ZBTB8A: variants seen among roughly 807,000 people sequenced by gnomAD.
ZBTB8A encodes the protein zinc finger and BTB domain containing 8A, also known as zinc finger and BTB domain-containing protein 8A.
Under a neutral mutation model 37.8 loss-of-function variants are expected in ZBTB8A, and 19 were observed. The ratio of observed to expected loss-of-function variants is 0.50; its 90% CI spans 0.35 to 0.74. The LOEUF is 0.74. ZBTB8A is among the 30% of genes least tolerant of loss of function. The pLI, the probability that ZBTB8A is intolerant of heterozygous loss-of-function variation, is 0.01. For synonymous variants in ZBTB8A, 181 were observed against 185.2 expected (o/e 0.98, Z 0.19); for missense variants, 394 against 537.8 (o/e 0.73, Z 2.65).
intron 2 of ZBTB8A, among the ~76,000 whole-genome samples, chr1:32,568,654 G>A (rs1644303032): frequency 6.6e-6 from 1 of 152,152 alleles, no homozygotes; most frequent in Non-Finnish European, 1.5e-5. Flanking sequence ...CCAAAGTGCT[G>A]GGATTACAGG....
intron 1 of ZBTB8A, among the ~76,000 whole-genome samples, chr1:32,545,347 C>T (rs1644094541): frequency 6.6e-6 from 1 of 152,104 alleles, no homozygotes; most frequent in Non-Finnish European, 1.5e-5. Flanking sequence ...TGATGCTAAA[C>T]ATCTCTTCAT....
intron 2 of ZBTB8A, among the ~76,000 whole-genome samples, chr1:32,556,887 CAAAAA>C (rs1557704045): frequency 6.6e-6 from 1 of 151,330 alleles, no homozygotes; most frequent in African/African-American, 2.4e-5. Context: ...ACAAAAAAAA[CAAAAA>C]AGAAAAAGCA....
chr1:32,541,355 C>A, intron 1 of ZBTB8A, among the ~76,000 whole-genome samples: 1 of 152,160 alleles, frequency 6.6e-6, no homozygotes, highest in East Asian at 1.9e-4. Flanking sequence ...TCCTTGCCTG[C>A]TCACCTCAGG....
intron 2 of ZBTB8A, among the ~76,000 whole-genome samples, chr1:32,581,931 C>T (rs191505684): frequency 9.9e-5 from 15 of 152,024 alleles, no homozygotes; most frequent in Non-Finnish European, 1.9e-4. Flanking sequence ...ATAGCATGGG[C>T]GGAGCTGCTC....
intron 1 of ZBTB8A, among the ~76,000 whole-genome samples, chr1:32,539,885 G>T (rs1179930873): frequency 2.0e-5 from 3 of 149,722 alleles, no homozygotes; most frequent in Non-Finnish European, 4.5e-5. Flanking sequence ...GGCGCCGGGC[G>T]TGTCTGGAGC....
chr1:32,579,850 A>G (rs1644390375), intron 2 of ZBTB8A, among the ~76,000 whole-genome samples: 2 of 152,172 alleles, frequency 1.3e-5, no homozygotes, highest in African/African-American at 4.8e-5. Context: ...TTACTCCAAC[A>G]TGTGAAAAGA....
chr1:32,592,948 A>G lies in ZBTB8A; in HGVS notation c.17A>G (p.His6Arg). 1 of 1,609,848 alleles carries G rather than the reference A, an allele frequency of 6.2e-7. No homozygotes were observed. Among genetic ancestry groups the G allele is most frequent in the African/African-American group, 1.3e-5 (1 of 74,892 alleles). MEISS[H>R]QSHLLQQLNE... ...CTCTTCAGAATGGAGATCTCCTCTCATCAGTCTCACCTCCTGCAGCAACTG... is the reference window on the plus strand; with the variant it reads ...CTCTTCAGAATGGAGATCTCCTCTCGTCAGTCTCACCTCCTGCAGCAACTG... Residue 6 changes from histidine to arginine, a missense_variant, in exon 3 of 5, where the codon CAT becomes CGT. Transcript: ENST00000373510.
intron 2 of ZBTB8A, among the ~76,000 whole-genome samples, chr1:32,589,158 A>T (rs1644469883): frequency 6.6e-6 from 1 of 152,084 alleles, no homozygotes; most frequent in African/African-American, 2.4e-5. Context: ...CCAAAAGTAG[A>T]TGTGAAATCA....
chr1:32,544,628 C>G (rs1326183562), intron 1 of ZBTB8A, among the ~76,000 whole-genome samples: 1 of 152,158 alleles, frequency 6.6e-6, no homozygotes, highest in Non-Finnish European at 1.5e-5. Context: ...ACCCAGGAGG[C>G]GAAGGTTGCA....
chr1:32,598,487 T>C (rs1459306549), intron 4 of ZBTB8A, among the ~76,000 whole-genome samples: 2 of 152,018 alleles, frequency 1.3e-5, no homozygotes, highest in East Asian at 3.9e-4. Flanking sequence ...TCCACTCACC[T>C]CAGCCTTCCA....
rs553169569 is a variant in ZBTB8A at position 32,551,942 on chromosome 1, T to G, written c.-83-1517T>G. ...TGTTGAATTTTTAAAGCTATTCTGT[T>G]CAGTTTTCTTCTAAAACACATTGAT... On this transcript the variant is annotated intron_variant, in intron 1 of 4. Coordinates refer to ENST00000373510, the MANE Select transcript of ZBTB8A (RefSeq NM_001040441.3). Among the ~76,000 whole-genome samples, 3 of 152,284 alleles carry G rather than the reference T, an allele frequency of 2.0e-5. No individual in the cohort carries two copies. In the East Asian group the frequency reaches 5.8e-4, roughly 29 times the overall value.
At chr1:32,551,848 C>T (rs1644159200) in intron 1 of ZBTB8A, among the ~76,000 whole-genome samples, 1 of 152,196 alleles carries the variant, frequency 6.6e-6, no homozygotes, top group Non-Finnish European at 1.5e-5. Context: ...GCTGGGATTA[C>T]AGGCATGAGC....
rs75911313 is a variant in ZBTB8A, at chr1:32,563,114, C to T, written c.-2+9574C>T. Among the ~76,000 whole-genome samples the T allele has an allele frequency of 5.1e-3, 773 of 152,240 alleles. 11 individuals are homozygous for T. The highest frequency in any genetic ancestry group is 0.044 in the East Asian group (226 of 5,190). On this transcript the variant is annotated intron_variant, in intron 2 of 4. Coordinates refer to ENST00000373510, the MANE Select transcript of ZBTB8A (RefSeq NM_001040441.3). Reference sequence around the variant, plus strand: ...TTGTTTTAACTCTTATTTTCTGTTTCTTATAAGATTAGTTATCTTTTTCAG... The same window carrying T: ...TTGTTTTAACTCTTATTTTCTGTTTTTTATAAGATTAGTTATCTTTTTCAG...
In ZBTB8A at chr1:32,543,951, C is replaced by T. The variant is rs576974726; in HGVS notation, c.-84+4379C>T. Among the ~76,000 whole-genome samples the T allele has an allele frequency of 3.9e-5, 6 of 152,324 alleles. No individual in the cohort carries two copies. The South Asian group carries it at 1.2e-3, about 32-fold the overall frequency. The stretch of plus-strand genomic sequence containing the variant: ...TCGGCCTCCCAAGGTGCTGGGATTA[C>T]AGGCATGAGCCACCACACCCAGACT... On this transcript the variant is annotated intron_variant, in intron 1 of 4. Transcript: ENST00000373510.
chr1:32,575,457 C>G (rs1644352972), intron 2 of ZBTB8A, among the ~76,000 whole-genome samples: 1 of 151,708 alleles, frequency 6.6e-6, no homozygotes, highest in Non-Finnish European at 1.5e-5. Flanking sequence ...AAACTCCTGA[C>G]TTCATGATCT....
chr1:32,567,817 A>G (rs1420155860), intron 2 of ZBTB8A, among the ~76,000 whole-genome samples: 1 of 37,568 alleles, frequency 2.7e-5, no homozygotes. Flanking sequence ...AAAAAAAAAA[A>G]AAAAAACAAA....
chr1:32,546,595 C>T (rs1644106171), intron 1 of ZBTB8A, among the ~76,000 whole-genome samples: 2 of 152,194 alleles, frequency 1.3e-5, no homozygotes, highest in South Asian at 4.1e-4. Context: ...GAGCCAAGAT[C>T]GTACCACTGC....
intron 2 of ZBTB8A, among the ~76,000 whole-genome samples, chr1:32,573,714 A>C: frequency 6.8e-6 from 1 of 147,874 alleles, no homozygotes; most frequent in African/African-American, 2.5e-5. Context: ...GATTACAGGC[A>C]AAAGCCACCA....
chr1:32,597,086 A>G (rs1644539255), intron 4 of ZBTB8A, among the ~76,000 whole-genome samples: 1 of 151,796 alleles, frequency 6.6e-6, no homozygotes, highest in African/African-American at 2.4e-5. Context: ...GCCCCACTGC[A>G]ACCTCTGCCT....
Sources: allele counts gnomAD v4.1 joint callset (sites outside exome capture counted in the v4.1 genomes callset), GRCh38; gene constraint gnomAD v4.1.1; transcripts MANE v1.5; gene names NCBI Gene and HGNC (gene_info 2026-07-23, HGNC 2026-07-21).